The following WDR47 variants were observed in gnomAD, a reference collection of about 807,000 sequenced individuals.
The protein encoded by WDR47 is WD repeat-containing protein 47.
WDR47 carries 32 observed loss-of-function variants against 97.2 expected under a neutral mutation model. The observed-to-expected ratio is 0.33, with a 90% CI of 0.25 to 0.44. WDR47 has a LOEUF of 0.44. Among genes scored for constraint, WDR47 ranks in the 20% least tolerant of loss-of-function variants. The probability of loss-of-function intolerance (pLI) is 1.00; values close to 1 mark genes in which losing one functional copy is unlikely to be tolerated. For missense variants in WDR47, 782 were observed against 1,102.3 expected (o/e 0.71, Z 4.11); for synonymous variants, 375 against 373.5 (o/e 1.00, Z -0.05).
intron 9 of WDR47, chr1:108,987,129 C>A: frequency 5.2e-6 from 1 of 192,860 alleles, no homozygotes; most frequent in South Asian, 1.2e-4. Context: ...GATCCCTTAG[C>A]CCTCCTGCAG....
chr1:109,031,795 CTTTTT>C (rs56318868), intron 1 of WDR47, among the ~76,000 whole-genome samples: 2 of 78,362 alleles, frequency 2.6e-5, no homozygotes, highest in Non-Finnish European at 5.4e-5. Context: ...ATCTTTCTTT[CTTTTT>C]TTTTTTTTTT....
intron 7 of WDR47, 94 bp from the exon 8 acceptor site, chr1:108,995,931 CA>C: frequency 8.0e-7 from 1 of 1,248,262 alleles, no homozygotes; most frequent in Non-Finnish European, 1.1e-6. Context: ...TAAAAATATG[CA>C]CATATAATAT....
At chr1:109,036,565 G>A (rs1017830796) in intron 1 of WDR47, among the ~76,000 whole-genome samples, 5 of 145,118 alleles carry the variant, frequency 3.4e-5, no homozygotes, top group African/African-American at 1.0e-4. Context: ...GTCCAGGCGC[G>A]GTGGCTCACA....
intron 12 of WDR47, 47 bp downstream of exon 12, chr1:108,982,562 C>G (rs754870942): frequency 6.5e-7 from 1 of 1,541,432 alleles, no homozygotes; most frequent in South Asian, 1.3e-5. Flanking sequence ...AAAAAAAGCA[C>G]AGATTGAACA....
chr1:108,985,128 C>G (rs1315222424), intron 10 of WDR47, among the ~76,000 whole-genome samples: 1 of 152,212 alleles, frequency 6.6e-6, no homozygotes, highest in Non-Finnish European at 1.5e-5. Flanking sequence ...GTCATCATCT[C>G]AAAATACATT....
intron 4 of WDR47, among the ~76,000 whole-genome samples, chr1:109,012,661 G>C (rs1416278944): frequency 1.3e-5 from 2 of 151,368 alleles, no homozygotes; most frequent in African/African-American, 2.4e-5. Flanking sequence ...GCTTAGCTGA[G>C]AGACAAATTA....
At position 109,011,613 on chromosome 1, in the gene WDR47, G is replaced by T. The variant is rs750234678; in HGVS notation, c.433C>A (p.Arg145Ser). 1 of 1,614,126 alleles carries T rather than the reference G, an allele frequency of 6.2e-7. No individual in the cohort carries two copies. The highest frequency in any genetic ancestry group is 8.5e-7 in the Non-Finnish European group (1 of 1,180,040). Residue 145 changes from arginine to serine, a missense_variant, in exon 5 of 15, where the codon CGT becomes AGT. Coordinates refer to ENST00000369962, the MANE Select transcript of WDR47 (RefSeq NM_001142551.2). Reference protein sequence around the residue: ...SKLCLLLTLPRLTNHAEFKDW... With the variant: ...SKLCLLLTLPSLTNHAEFKDW... The stretch of plus-strand genomic sequence containing the variant: ...TTAAACTCGGCATGATTGGTCAGAC[G>T]AGGCAAAGTCAAAAGCAAACAGAGC...
At chr1:109,006,945 A>ATTTT (rs990915250) in intron 5 of WDR47, among the ~76,000 whole-genome samples, 1 of 150,022 alleles carries the variant, frequency 6.7e-6, no homozygotes, top group Non-Finnish European at 1.5e-5. Context: ...GAAAAAAAAA[A>ATTTT]TTTTTTTTTT....
In WDR47 at chr1:108,989,705, T is replaced by G. The variant is rs562098237; in HGVS notation, c.1767+1549A>C. Reference sequence around the variant, plus strand: ...TGCTGTCCTCCAGAGTGTTTTAAATTTTTTTTGAGACAGAGTTTTGCTCTT... The same window carrying G: ...TGCTGTCCTCCAGAGTGTTTTAAATGTTTTTTGAGACAGAGTTTTGCTCTT... On this transcript the variant is annotated intron_variant, in intron 9 of 14. Transcript: ENST00000369962. Among the ~76,000 whole-genome samples, 3 of 152,312 alleles carry G rather than the reference T, an allele frequency of 2.0e-5. No individual in the cohort carries two copies. In the South Asian group the frequency reaches 6.2e-4, roughly 32 times the overall value.
chr1:109,000,364 C>A (rs994528489), intron 7 of WDR47, among the ~76,000 whole-genome samples: 1 of 151,762 alleles, frequency 6.6e-6, no homozygotes, highest in Non-Finnish European at 1.5e-5. Flanking sequence ...CAAAAATTAG[C>A]CAGGCATAGT....
At chr1:108,984,428 CA>C (rs953400446) in intron 10 of WDR47, among the ~76,000 whole-genome samples, 4 of 151,816 alleles carry the variant, frequency 2.6e-5, no homozygotes, top group African/African-American at 9.7e-5. Flanking sequence ...AGCAAATGAA[CA>C]AAAAAAGATG....
intron 1 of WDR47, among the ~76,000 whole-genome samples, chr1:109,033,870 G>A (rs1312291302): frequency 1.3e-5 from 2 of 152,188 alleles, no homozygotes; most frequent in Non-Finnish European, 2.9e-5. Context: ...AGTGAGCCGA[G>A]ATCCGTGCCA....
At chr1:109,031,802 T>C (rs1217916275) in intron 1 of WDR47, among the ~76,000 whole-genome samples, 1 of 127,264 alleles carries the variant, frequency 7.9e-6, no homozygotes, top group African/African-American at 2.8e-5. Flanking sequence ...TTTCTTTTTT[T>C]TTTTTTTTTT....
intron 10 of WDR47, among the ~76,000 whole-genome samples, chr1:108,984,979 T>A (rs1658663865): frequency 6.6e-6 from 1 of 152,108 alleles, no homozygotes; most frequent in Non-Finnish European, 1.5e-5. Context: ...GTCCCACCGA[T>A]TCCTTCCTTA....
rs771751821 is a variant in WDR47 at position 108,982,658 on chromosome 1, T to C, written c.2217A>G (p.Thr739=). Residue 739 remains threonine, a synonymous_variant, in exon 12 of 15, where the codon ACA becomes ACG. Transcript: ENST00000369962. The part of the protein sequence containing the change: ...SAGAGDCNIY[T]TDCQRGQGLH... ...GGCCCTGTCCTCTTTGACAATCGGTTGTATAAATGTTACAATCCCCTGCTC... is the reference window on the plus strand; with the variant it reads ...GGCCCTGTCCTCTTTGACAATCGGTCGTATAAATGTTACAATCCCCTGCTC... The C allele has an allele frequency of 6.2e-7, 1 of 1,613,524 alleles. No individual in the cohort carries two copies. Among genetic ancestry groups the C allele is most frequent in the South Asian group, 1.1e-5 (1 of 90,892 alleles).
intron 10 of WDR47, 135 bp from the exon 11 acceptor site, chr1:108,983,586 T>C: frequency 1.4e-6 from 1 of 707,660 alleles, no homozygotes; most frequent in Non-Finnish European, 2.0e-6. Context: ...GTTTTCAAAA[T>C]CATAGAAGAA....
chr1:109,029,857 C>G lies in WDR47; in HGVS notation c.-9-6336G>C, dbSNP rs534778597. 4.8e-3 allele frequency among the ~76,000 whole-genome samples: 673 copies of G among 139,746 alleles called. 2 individuals carry two copies. Among genetic ancestry groups the G allele is most frequent in the Non-Finnish European group, 7.8e-3 (509 of 64,946 alleles). 91.7% of individuals were successfully genotyped at this position (139,746 alleles called of 152,430 possible). Reference sequence around the variant, plus strand: ...CACCACTGCACTCCAGCCTGGGCAACAGAGAAAGACTTCGTCTCAAAAAAA... The same window carrying G: ...CACCACTGCACTCCAGCCTGGGCAAGAGAGAAAGACTTCGTCTCAAAAAAA... On this transcript the variant is annotated intron_variant, in intron 1 of 14. Coordinates refer to ENST00000369962, the MANE Select transcript of WDR47 (RefSeq NM_001142551.2).
intron 2 of WDR47, among the ~76,000 whole-genome samples, chr1:109,017,941 G>A (rs1182530700): frequency 6.6e-6 from 1 of 151,422 alleles, no homozygotes; most frequent in African/African-American, 2.4e-5. Flanking sequence ...TAGATACAGG[G>A]TTTCACCATG....
Position 109,013,893 on chromosome 1 carries a change from A to G in WDR47, c.275T>C (p.Leu92Ser). ...FRYIILKQKF[L>S]EALCVNNAMS... The stretch of plus-strand genomic sequence containing the variant: ...CGCGTTGTTAACACATAAAGCTTCT[A>G]AAAACTTCTGCTTCAGGATAATATA... The change falls in exon 4 of 15, where the codon TTA (leucine) becomes TCA (serine). Residue 92 changes from leucine to serine, a missense_variant. Leu to Ser is a moderately radical substitution (Grantham distance 145). Coordinates refer to ENST00000369962, the MANE Select transcript of WDR47 (RefSeq NM_001142551.2). 2 of 1,612,962 alleles carry G rather than the reference A, an allele frequency of 1.2e-6. No homozygotes were observed. The highest frequency in any genetic ancestry group is 1.7e-6 in the Non-Finnish European group (2 of 1,179,814).
Sources: allele counts gnomAD v4.1 joint callset (sites outside exome capture counted in the v4.1 genomes callset), GRCh38; gene constraint gnomAD v4.1.1; transcripts MANE v1.5; gene names NCBI Gene and HGNC (gene_info 2026-07-23, HGNC 2026-07-21).